Variants in TMEM63C observed in about 807,000 individuals in gnomAD.
TMEM63C encodes the protein osmosensitive cation channel TMEM63C.
In TMEM63C, 32 loss-of-function variants were observed where a neutral mutation model predicts 99.2. The observed-to-expected ratio is 0.32, with a 90% CI of 0.24 to 0.43. TMEM63C has a LOEUF of 0.43. TMEM63C is among the 20% of genes least tolerant of loss of function. The pLI is 1.00. For synonymous variants in TMEM63C, 376 were observed against 397.9 expected (o/e 0.94, Z 0.66); for missense variants, 826 against 1,053.0 (o/e 0.78, Z 2.98).
intron 23 of TMEM63C, among the ~76,000 whole-genome samples, chr14:77,254,850 A>G (rs1403573988): frequency 6.6e-6 from 1 of 152,260 alleles, no homozygotes; most frequent in Non-Finnish European, 1.5e-5. Context: ...TAAAAAGTCC[A>G]TATTCCCACC....
At chr14:77,253,498 G>T in intron 23 of TMEM63C, 122 bp downstream of exon 23, 1 of 981,056 alleles carries the variant, frequency 1.0e-6, no homozygotes, top group Non-Finnish European at 1.6e-6. Flanking sequence ...GGAGATGGGG[G>T]ACCCCTGGGC....
intron 14 of TMEM63C, among the ~76,000 whole-genome samples, 195 bp from the exon 15 acceptor site, chr14:77,242,708 T>TC (rs1889199666): frequency 6.6e-6 from 1 of 151,968 alleles, no homozygotes; most frequent in Non-Finnish European, 1.5e-5. Context: ...TCCATTTTTT[T>TC]TTGGCTCTAT....
intron 5 of TMEM63C, 53 bp downstream of exon 5, chr14:77,220,140 G>A (rs1384700971): frequency 1.3e-6 from 2 of 1,498,270 alleles, no homozygotes; most frequent in Non-Finnish European, 9.1e-7. Context: ...GGGCAGGCAG[G>A]CGTGGTGTGC....
chr14:77,246,093 A>G, intron 17 of TMEM63C, 67 bp downstream of exon 17: 2 of 1,231,982 alleles, frequency 1.6e-6, no homozygotes, highest in Non-Finnish European at 2.4e-6. Context: ...CTCCTCTTTC[A>G]GATACTGTAG....
Position 77,219,485 on chromosome 14 carries a change from T to C in TMEM63C, c.151-13T>C. 6.2e-7 allele frequency: 1 copy of C among 1,613,860 alleles called. No homozygotes were observed. The highest frequency in any genetic ancestry group is 8.5e-7 in the Non-Finnish European group (1 of 1,179,868). Reference sequence around the variant, plus strand: ...GAAGTCTCCCACCCCACATTGCTTTTCCTGGCCTGTAGCTCGTCCTTGTGG... The same window carrying C: ...GAAGTCTCCCACCCCACATTGCTTTCCCTGGCCTGTAGCTCGTCCTTGTGG... On this transcript the variant is annotated splice_polypyrimidine_tract_variant and intron_variant, in intron 3 of 23. Coordinates refer to ENST00000298351, the MANE Select transcript of TMEM63C (RefSeq NM_020431.4).
chr14:77,221,796 C>T (rs1222133357), intron 5 of TMEM63C, among the ~76,000 whole-genome samples: 3 of 150,946 alleles, frequency 2.0e-5, no homozygotes, highest in Non-Finnish European at 4.4e-5. Context: ...ATCCAATGGA[C>T]TTTTCTCAGT....
At position 77,257,587 on chromosome 14, in the gene TMEM63C, G is replaced by C. The variant is rs879592983; in HGVS notation, c.*861G>C. 2 of 152,226 alleles carry C rather than the reference G, an allele frequency of 1.3e-5. No individual in the cohort carries two copies. Among genetic ancestry groups the C allele is most frequent in the Non-Finnish European group, 2.9e-5 (2 of 68,050 alleles). The allele number at this position is 152,226 out of a possible 1,614,324, so 9.4% of individuals were successfully genotyped here. On this transcript the variant is annotated 3_prime_UTR_variant, in exon 24 of 24. Coordinates refer to ENST00000298351, the MANE Select transcript of TMEM63C (RefSeq NM_020431.4). Reference sequence around the variant, plus strand: ...CAAAACTCTGTGTGGTGGGAAACCAGCTATACCTCCCCAAGCCCCAGGGCC... The same window carrying C: ...CAAAACTCTGTGTGGTGGGAAACCACCTATACCTCCCCAAGCCCCAGGGCC...
chr14:77,233,548 T>C, intron 8 of TMEM63C, 48 bp downstream of exon 8: 1 of 1,597,116 alleles, frequency 6.3e-7, no homozygotes, highest in Non-Finnish European at 8.6e-7. Flanking sequence ...GGGGTGTTGG[T>C]GTGGAGAGGA....
At chr14:77,194,364 G>A (rs1566616163) in intron 1 of TMEM63C, among the ~76,000 whole-genome samples, 1 of 150,446 alleles carries the variant, frequency 6.6e-6, no homozygotes, top group African/African-American at 2.5e-5. Context: ...GTGTGTGTGT[G>A]TGTGTGTGTG....
At chr14:77,252,038 C>A (rs893826704) in intron 22 of TMEM63C, 140 bp downstream of exon 22, 1 of 749,570 alleles carries the variant, frequency 1.3e-6, no homozygotes, top group Non-Finnish European at 2.3e-6. Flanking sequence ...GAGCGTGGAG[C>A]CCAGTGTGCA....
intron 1 of TMEM63C, among the ~76,000 whole-genome samples, chr14:77,198,497 G>A (rs1888246390): frequency 1.3e-5 from 2 of 152,208 alleles, no homozygotes; most frequent in African/African-American, 4.8e-5. Context: ...GTCAGGGTGA[G>A]GGCAAAATGG....
chr14:77,209,343 A>C (rs1298469806), intron 1 of TMEM63C, among the ~76,000 whole-genome samples: 2 of 152,008 alleles, frequency 1.3e-5, no homozygotes, highest in African/African-American at 4.8e-5. Flanking sequence ...TGGGGGCAAA[A>C]ATTTGGGATT....
Position 77,181,904 on chromosome 14 carries a change from A to C in TMEM63C, c.-77+10A>C, listed in dbSNP as rs1887920429. 1.3e-5 allele frequency: 2 copies of C among 151,978 alleles called. No homozygotes were observed. The highest frequency in any genetic ancestry group is 6.6e-5 in the Admixed American group (1 of 15,264). 9.4% of individuals were successfully genotyped at this position (151,978 alleles called of 1,614,324 possible). On this transcript the variant is annotated intron_variant, in intron 1 of 23. Coordinates refer to ENST00000298351, the MANE Select transcript of TMEM63C (RefSeq NM_020431.4). ...TGCTGAGGACGCAAATGTGGTGAGC[A>C]CGCGATGCGGGTGCGGTGACCGGGG... is the stretch of plus-strand genomic sequence containing the variant.
intron 1 of TMEM63C, among the ~76,000 whole-genome samples, chr14:77,189,834 G>A (rs550241568): frequency 6.6e-6 from 1 of 152,300 alleles, no homozygotes; most frequent in African/African-American, 2.4e-5. Context: ...CTTAAAGCCA[G>A]GGAATACCTG....
At chr14:77,239,301 C>A in intron 10 of TMEM63C, 111 bp from the exon 11 acceptor site, 1 of 1,033,100 alleles carries the variant, frequency 9.7e-7, no homozygotes, top group Non-Finnish European at 1.5e-6. Flanking sequence ...CATCCAGGAA[C>A]ACCAGGCAGC....
chr14:77,248,575 C>CT (rs1889305327), intron 19 of TMEM63C, 66 bp downstream of exon 19: 1 of 1,543,926 alleles, frequency 6.5e-7, no homozygotes, highest in Admixed American at 1.9e-5. Flanking sequence ...GGGATAGAGC[C>CT]TGCTAGAAGC....
intron 23 of TMEM63C, 111 bp downstream of exon 23, chr14:77,253,487 A>G: frequency 8.9e-7 from 1 of 1,120,748 alleles, no homozygotes; most frequent in East Asian, 2.6e-5. Flanking sequence ...GGTATGGGGA[A>G]GGAGATGGGG....
intron 1 of TMEM63C, among the ~76,000 whole-genome samples, chr14:77,201,805 G>T (rs1888305099): frequency 1.3e-5 from 2 of 152,216 alleles, no homozygotes; most frequent in Non-Finnish European, 2.9e-5. Context: ...AGCGGGGGCG[G>T]TTTCTTCTCT....
chr14:77,209,921 C>A (rs900293603), intron 1 of TMEM63C, among the ~76,000 whole-genome samples: 1 of 151,778 alleles, frequency 6.6e-6, no homozygotes, highest in African/African-American at 2.4e-5. Context: ...GATCTTCAGC[C>A]AACTCTCCAC....
Sources: gnomAD v4.1 joint callset for allele counts (sites outside exome capture counted in the v4.1 genomes callset) on GRCh38, gnomAD v4.1.1 for gene constraint, MANE v1.5 for transcripts, NCBI Gene and HGNC (gene_info 2026-07-23, HGNC 2026-07-21) for gene names.